LPIN2: variants seen among roughly 807,000 people sequenced by gnomAD.
The protein encoded by LPIN2 is lipin 2, also known as phosphatidate phosphatase LPIN2.
LPIN2 carries 55 observed loss-of-function variants against 111.4 expected under a neutral mutation model. The observed-to-expected ratio is 0.49, with a 90% CI of 0.40 to 0.62. The LOEUF is 0.62. Among genes scored for constraint, LPIN2 ranks in the 20% least tolerant of loss-of-function variants. LPIN2 has a pLI of 0.00. For missense variants in LPIN2, 992 were observed against 1,112.1 expected (o/e 0.89, Z 1.54); for synonymous variants, 425 against 414.0 (o/e 1.03, Z -0.32).
intron 1 of LPIN2, among the ~76,000 whole-genome samples, chr18:3,005,696 C>CACACAT (rs2078504518): frequency 6.6e-6 from 1 of 151,434 alleles, no homozygotes; most frequent in African/African-American, 2.4e-5. Flanking sequence ...CACACACACA[C>CACACAT]ACACACACAC....
chr18:2,983,453 A>C (rs1365853133), intron 1 of LPIN2, among the ~76,000 whole-genome samples: 1 of 152,256 alleles, frequency 6.6e-6, no homozygotes, highest in Non-Finnish European at 1.5e-5. Context: ...AGTAAGTCAA[A>C]ACATAGTAAT....
chr18:2,978,817 C>T (rs1241191788), intron 1 of LPIN2, among the ~76,000 whole-genome samples: 1 of 152,220 alleles, frequency 6.6e-6, no homozygotes, highest in African/African-American at 2.4e-5. Context: ...TTGGGGCTCA[C>T]TTCTCACCCC....
chr18:2,998,342 A>G (rs79772789), intron 1 of LPIN2, among the ~76,000 whole-genome samples: 9,824 of 152,326 alleles, frequency 0.064, 412 homozygotes, highest in Non-Finnish European at 0.095. Context: ...AACAAGAGAG[A>G]AGGACTTCCA....
At chr18:2,938,369 C>G (rs1405119387) in intron 6 of LPIN2, among the ~76,000 whole-genome samples, 1 of 152,050 alleles carries the variant, frequency 6.6e-6, no homozygotes, top group Admixed American at 6.6e-5. Context: ...ACTAAAAATA[C>G]AAAAATTAGC....
intron 1 of LPIN2, among the ~76,000 whole-genome samples, chr18:3,008,433 C>A (rs1200340051): frequency 3.8e-4 from 58 of 152,150 alleles, no homozygotes; most frequent in Non-Finnish European, 7.4e-5. Flanking sequence ...CCAAGTGAGA[C>A]CTTGTCTCAA....
rs2144109275 is a variant in LPIN2, at chr18:2,920,253, G to A, written c.*40C>T. On this transcript the variant is annotated 3_prime_UTR_variant, in exon 20 of 20. Coordinates refer to ENST00000677752, the MANE Select transcript of LPIN2 (RefSeq NM_001375808.2). ...AGCCAGCTGCCTTCCCTTGCTGTGG[G>A]GAGGGGGACCAAGCCCTGCCCACCC... 8 of 1,613,320 alleles carry A rather than the reference G, an allele frequency of 5.0e-6. No individual in the cohort carries two copies. Among genetic ancestry groups the A allele is most frequent in the African/African-American group, 1.3e-5 (1 of 75,038 alleles).
intron 2 of LPIN2, among the ~76,000 whole-genome samples, chr18:2,960,174 ATGTG>A (rs59457524): frequency 0.072 from 9,760 of 136,436 alleles, 392 homozygotes; most frequent in Non-Finnish European, 0.096. Flanking sequence ...CGACTCAAAA[ATGTG>A]TGTGTGTGTG....
rs776224524 is a variant in LPIN2 at position 2,921,615 on chromosome 18, T to C, written c.2360A>G (p.Lys787Arg). ...CTTGATATCATTTAGACACTCAATT[T>C]TGAACTTCTCTGGTTTCTTTTCTAT... ...EVIEKKPEKF[K>R]IECLNDIKNL... Residue 787 changes from lysine to arginine, a missense_variant, in exon 18 of 20, where the codon AAA becomes AGA. Transcript: ENST00000677752. 6.2e-7 allele frequency: 1 copy of C among 1,613,726 alleles called. No individual in the cohort carries two copies. Among genetic ancestry groups the C allele is most frequent in the Non-Finnish European group, 8.5e-7 (1 of 1,179,616 alleles).
intron 1 of LPIN2, among the ~76,000 whole-genome samples, chr18:3,003,695 C>T (rs773277564): frequency 6.2e-4 from 95 of 152,252 alleles, no homozygotes; most frequent in Admixed American, 1.2e-3. Context: ...TGAGAATGTA[C>T]GTCACCTCAG....
chr18:2,922,014 C>G (rs374492517), intron 17 of LPIN2, 33 bp downstream of exon 17: 1 of 1,601,120 alleles, frequency 6.2e-7, no homozygotes, highest in Admixed American at 1.7e-5. Context: ...CATGCTGGGG[C>G]GGTGGGCAGA....
chr18:2,943,925 A>T (rs2077405029), intron 4 of LPIN2, among the ~76,000 whole-genome samples: 1 of 152,224 alleles, frequency 6.6e-6, no homozygotes, highest in Non-Finnish European at 1.5e-5. Flanking sequence ...ATTAACGAAA[A>T]TAGTACTTCT....
intron 1 of LPIN2, among the ~76,000 whole-genome samples, chr18:2,976,001 T>C (rs2078008030): frequency 6.6e-6 from 1 of 152,180 alleles, no homozygotes; most frequent in Non-Finnish European, 1.5e-5. Context: ...AGTCAGGAAT[T>C]TGTACGATTC....
chr18:2,951,249 A>G lies in LPIN2; in HGVS notation c.396T>C (p.Ser132=). 1 of 1,614,064 alleles carries G rather than the reference A, an allele frequency of 6.2e-7. No homozygotes were observed. The change falls in exon 4 of 20, where the codon TCT becomes TCC. Residue 132 remains serine (S), a synonymous_variant. Coordinates refer to ENST00000677752, the MANE Select transcript of LPIN2 (RefSeq NM_001375808.2). ...LVKSGGDETP[S]QSSDISHVLE... is the part of the protein sequence containing the mutation. ...AGACGTGTGAGATGTCTGAACTCTGAGATGGTGTTTCATCTCCACCCGATT... is the reference window on the plus strand; with the variant it reads ...AGACGTGTGAGATGTCTGAACTCTGGGATGGTGTTTCATCTCCACCCGATT...
chr18:2,965,494 C>T (rs1323504519), intron 1 of LPIN2, among the ~76,000 whole-genome samples: 1 of 151,976 alleles, frequency 6.6e-6, no homozygotes, highest in Non-Finnish European at 1.5e-5. Context: ...TTTGGGAGGC[C>T]GAGGCAGGTA....
intron 13 of LPIN2, 41 bp downstream of exon 13, chr18:2,926,682 G>A (rs2144139277): frequency 1.3e-6 from 2 of 1,569,886 alleles, no homozygotes; most frequent in Non-Finnish European, 1.7e-6. Context: ...CCTGCTAGAG[G>A]GCCTGAGTGC....
chr18:2,992,967 C>T (rs2078286916), intron 1 of LPIN2, among the ~76,000 whole-genome samples: 1 of 127,614 alleles, frequency 7.8e-6, no homozygotes, highest in East Asian at 2.3e-4. Context: ...GCCAGTGAGA[C>T]CCGTCTCAAA....
intron 4 of LPIN2, chr18:2,945,906 T>A: frequency 7.0e-7 from 1 of 1,422,666 alleles, no homozygotes; most frequent in East Asian, 2.3e-5. Flanking sequence ...GTTTCTCTTT[T>A]GTACAGCCCT....
intron 4 of LPIN2, among the ~76,000 whole-genome samples, chr18:2,941,215 T>C (rs1220394298): frequency 6.6e-6 from 1 of 152,174 alleles, no homozygotes; most frequent in African/African-American, 2.4e-5. Context: ...ACAAACAAGA[T>C]CTATGGCTCA....
At chr18:2,927,569 C>A (rs549894278) in intron 12 of LPIN2, among the ~76,000 whole-genome samples, 153 bp downstream of exon 12, 1 of 152,312 alleles carries the variant, frequency 6.6e-6, no homozygotes, top group South Asian at 2.1e-4. Flanking sequence ...TGGGACAACA[C>A]CTGCACGTCC....
Sources: allele counts gnomAD v4.1 joint callset (sites outside exome capture counted in the v4.1 genomes callset), GRCh38; gene constraint gnomAD v4.1.1; transcripts MANE v1.5; gene names NCBI Gene and HGNC (gene_info 2026-07-23, HGNC 2026-07-21).